The following ATP11A variants were observed in gnomAD, a reference collection of about 807,000 sequenced individuals.
ATP11A encodes the protein ATPase phospholipid transporting 11A, also known as phospholipid-transporting ATPase IH.
Under a neutral mutation model 154.4 loss-of-function variants are expected in ATP11A, and 81 were observed. The ratio of observed to expected loss-of-function variants is 0.52; its 90% CI spans 0.44 to 0.63. ATP11A has a LOEUF of 0.63. Among genes scored for constraint, ATP11A ranks in the 30% least tolerant of loss-of-function variants. ATP11A has a pLI of 0.00. For synonymous variants in ATP11A, 623 were observed against 585.9 expected (o/e 1.06, Z -0.91); for missense variants, 1,316 against 1,474.3 (o/e 0.89, Z 1.76).
intron 1 of ATP11A, among the ~76,000 whole-genome samples, chr13:112,760,481 A>T (rs1048685112): frequency 3.9e-5 from 6 of 152,356 alleles, no homozygotes; most frequent in Non-Finnish European, 8.8e-5. Context: ...TGCTCAAATG[A>T]TAACAACATG....
At chr13:112,830,920 G>A (rs78931599) in intron 12 of ATP11A, among the ~76,000 whole-genome samples, 1,893 of 152,144 alleles carry the variant, frequency 0.012, 29 homozygotes, top group African/African-American at 0.044. Flanking sequence ...GGTATTGTAG[G>A]TTTTGACCTC....
intron 8 of ATP11A, among the ~76,000 whole-genome samples, chr13:112,822,839 C>T (rs1204169881): frequency 2.0e-5 from 3 of 152,032 alleles, no homozygotes; most frequent in Non-Finnish European, 1.5e-5. Flanking sequence ...CATTCTGGGA[C>T]CTTCCAGTGC....
chr13:112,749,687 G>A (rs1216121461), intron 1 of ATP11A, among the ~76,000 whole-genome samples: 2 of 152,008 alleles, frequency 1.3e-5, no homozygotes, highest in African/African-American at 4.8e-5. Flanking sequence ...GTGGGGACAC[G>A]TCTGCTGAAG....
At chr13:112,739,505 T>C (rs1167754718) in intron 1 of ATP11A, among the ~76,000 whole-genome samples, 1 of 152,218 alleles carries the variant, frequency 6.6e-6, no homozygotes, top group African/African-American at 2.4e-5. Flanking sequence ...TTGGAAGTCT[T>C]GTGCATTGCT....
chr13:112,827,361 A>G (rs973575901), intron 12 of ATP11A, among the ~76,000 whole-genome samples: 2 of 152,234 alleles, frequency 1.3e-5, no homozygotes, highest in South Asian at 4.1e-4. Flanking sequence ...CTTCACCGCC[A>G]CACCTCGAGT....
intron 16 of ATP11A, among the ~76,000 whole-genome samples, chr13:112,836,982 G>T (rs1221253034): frequency 6.6e-6 from 1 of 152,202 alleles, no homozygotes; most frequent in Non-Finnish European, 1.5e-5. Context: ...AGCACAGGTG[G>T]ACGACCTCGT....
chr13:112,842,301 A>G lies in ATP11A; in HGVS notation c.1731A>G (p.Gly577=), dbSNP rs768114480. The G allele has an allele frequency of 6.2e-7, 1 of 1,611,626 alleles. No individual in the cohort carries two copies. ...GAGAAATTTATCTGTTTTGCAAAGG[A>G]GCAGATTCTTCGATATTCCCCCGAG... ...ATGEIYLFCK[G]ADSSIFPRVI... The change falls in exon 17 of 30, where the codon GGA becomes GGG. Residue 577 remains glycine, a synonymous_variant. Coordinates refer to ENST00000375645, the MANE Select transcript of ATP11A (RefSeq NM_015205.3).
intron 1 of ATP11A, among the ~76,000 whole-genome samples, chr13:112,758,524 C>T (rs1041860945): frequency 1.6e-4 from 24 of 151,148 alleles, no homozygotes; most frequent in Admixed American, 3.3e-4. Flanking sequence ...CCTGGGTTCA[C>T]GACATTCTCC....
intron 29 of ATP11A, 102 bp downstream of exon 29, chr13:112,878,405 C>A: frequency 7.8e-7 from 1 of 1,282,640 alleles, no homozygotes; most frequent in Non-Finnish European, 1.1e-6. Flanking sequence ...GACGCAGCGT[C>A]CACCAGGCGC....
intron 21 of ATP11A, 47 bp downstream of exon 21, chr13:112,857,967 C>T (rs929415695): frequency 2.5e-6 from 4 of 1,600,000 alleles, no homozygotes; most frequent in South Asian, 2.2e-5. Context: ...CCAGGTCACC[C>T]CTTCGCTAGA....
At chr13:112,813,798 C>T (rs528447330) in intron 5 of ATP11A, among the ~76,000 whole-genome samples, 19 of 152,000 alleles carry the variant, frequency 1.3e-4, no homozygotes, top group Admixed American at 9.2e-4. Flanking sequence ...TAAATATGTC[C>T]CTGACGGCTC....
Position 112,819,918 on chromosome 13 carries a change from C to A in ATP11A, c.693C>A (p.Asn231Lys), listed in dbSNP as rs142590484. 6.2e-7 allele frequency: 1 copy of A among 1,613,632 alleles called. No homozygotes were observed. Among genetic ancestry groups the A allele is most frequent in the East Asian group, 2.2e-5 (1 of 44,870 alleles). The change falls in exon 8 of 30, where the codon AAC becomes AAA. Residue 231 changes from asparagine (N) to lysine (K), a missense_variant. Asn to Lys is a moderately conservative substitution (Grantham distance 94). Coordinates refer to ENST00000375645, the MANE Select transcript of ATP11A (RefSeq NM_015205.3). ...TCGCCAGGTTCGTGGGTCGCATCAA[C>A]GTTTACAGTGACCTGAATGACCCCG... ...PDLYKFVGRI[N>K]VYSDLNDPVV... is the part of the protein sequence containing the mutation.
chr13:112,815,741 T>C (rs1258820271), intron 5 of ATP11A, among the ~76,000 whole-genome samples: 1 of 152,222 alleles, frequency 6.6e-6, no homozygotes, highest in Non-Finnish European at 1.5e-5. Context: ...GATTACCTGG[T>C]TCATAAAACG....
At chr13:112,850,954 G>C in intron 17 of ATP11A, 83 bp from the exon 18 acceptor site, 1 of 1,301,032 alleles carries the variant, frequency 7.7e-7, no homozygotes, top group Non-Finnish European at 1.1e-6. Context: ...AATGAGAGAA[G>C]GGATACTGGG....
intron 1 of ATP11A, among the ~76,000 whole-genome samples, chr13:112,702,621 C>G (rs1245267379): frequency 6.6e-6 from 1 of 152,258 alleles, no homozygotes; most frequent in African/African-American, 2.4e-5. Flanking sequence ...GCTTCTCTCT[C>G]TGTGAGACAG....
chr13:112,877,531 G>T (rs1313661708), intron 28 of ATP11A, among the ~76,000 whole-genome samples: 2 of 152,232 alleles, frequency 1.3e-5, no homozygotes, highest in African/African-American at 4.8e-5. Context: ...CAGGGCTGGG[G>T]GTCTGACCCC....
intron 1 of ATP11A, among the ~76,000 whole-genome samples, chr13:112,772,276 C>T (rs1243495039): frequency 6.6e-6 from 1 of 152,052 alleles, no homozygotes; most frequent in Non-Finnish European, 1.5e-5. Context: ...GAGAAGCCTA[C>T]GTTTGTGCAG....
intron 1 of ATP11A, among the ~76,000 whole-genome samples, chr13:112,741,101 G>A (rs1390076980): frequency 1.3e-5 from 2 of 152,230 alleles, no homozygotes; most frequent in Non-Finnish European, 2.9e-5. Flanking sequence ...TAAAGCCAAA[G>A]AAAGCCACAA....
At chr13:112,719,602 G>T (rs1488864115) in intron 1 of ATP11A, among the ~76,000 whole-genome samples, 1 of 152,166 alleles carries the variant, frequency 6.6e-6, no homozygotes, top group Non-Finnish European at 1.5e-5. Flanking sequence ...AGTCAGTTTT[G>T]TAAGGTGGAA....
Sources: allele counts gnomAD v4.1 joint callset (sites outside exome capture counted in the v4.1 genomes callset), GRCh38; gene constraint gnomAD v4.1.1; transcripts MANE v1.5; gene names NCBI Gene and HGNC (gene_info 2026-07-23, HGNC 2026-07-21).